The following MAP4K1 variants were observed in gnomAD, a reference collection of about 807,000 sequenced individuals.
MAP4K1 encodes the protein MAPK/ERK kinase kinase kinase 1.
MAP4K1 carries 35 observed loss-of-function variants against 122.8 expected under a neutral mutation model. That is an observed-to-expected ratio of 0.29 (90% CI 0.22 to 0.38). The LOEUF (loss-of-function observed/expected upper bound fraction) is 0.38, where lower values mean the gene tolerates loss of function less well. MAP4K1 is among the 10% of genes least tolerant of loss of function. MAP4K1 has a pLI of 1.00. For synonymous variants in MAP4K1, 412 were observed against 421.3 expected (o/e 0.98, Z 0.27); for missense variants, 791 against 1,072.6 (o/e 0.74, Z 3.67).
Position 38,605,362 on chromosome 19 carries a change from C to T in MAP4K1, c.1446+47G>A, listed in dbSNP as rs1284007525. 7.5e-6 allele frequency: 11 copies of T among 1,466,060 alleles called. No individual in the cohort carries two copies. The African/African-American group carries it at 1.3e-4, about 17-fold the overall frequency. 90.8% of individuals were successfully genotyped at this position (1,466,060 alleles called of 1,614,324 possible). On this transcript the variant is annotated intron_variant, in intron 19 of 30. Coordinates refer to ENST00000396857, the MANE Select transcript of MAP4K1 (RefSeq NM_001042600.3). ...CCCCCTCCCCACCCCACCAGGCATC[C>T]CCAGCCCCGTCCAGAGGTGTAAGTC...
intron 30 of MAP4K1, 35 bp downstream of exon 30, chr19:38,593,247 T>A: frequency 1.9e-6 from 3 of 1,596,932 alleles, no homozygotes; most frequent in Non-Finnish European, 2.6e-6. Flanking sequence ...AGAAGCCCCC[T>A]CCCAGGTCCT....
rs369921707 is a variant in MAP4K1, at chr19:38,605,652, G to A, written c.1279C>T (p.Arg427Trp). 2.9e-5 allele frequency: 46 copies of A among 1,603,564 alleles called. No individual in the cohort carries two copies. The highest frequency in any genetic ancestry group is 1.1e-4 in the East Asian group (5 of 44,730). The change falls in exon 18 of 31, where the codon CGG becomes TGG. Residue 427 changes from arginine (R) to tryptophan (W), a missense_variant. Physicochemically the swap from Arg to Trp is moderately radical, Grantham distance 101. Transcript: ENST00000396857. ...TTTGGTGGGGGCCCACTGGCACACCGGACCAGCACCCCCGGGCTCAGCTGC... is the reference window on the plus strand; with the variant it reads ...TTTGGTGGGGGCCCACTGGCACACCAGACCAGCACCCCCGGGCTCAGCTGC... ...DGQLSPGVLV[R>W]CASGPPPNSP...
chr19:38,615,043 A>G (rs1325718660), intron 4 of MAP4K1, among the ~76,000 whole-genome samples: 1 of 152,100 alleles, frequency 6.6e-6, no homozygotes, highest in South Asian at 2.1e-4. Context: ...AACATAAAGC[A>G]AGAAAGGTGC....
At chr19:38,599,099 C>T (rs1273559200) in intron 22 of MAP4K1, among the ~76,000 whole-genome samples, 4 of 143,540 alleles carry the variant, frequency 2.8e-5, no homozygotes, top group African/African-American at 7.8e-5. Flanking sequence ...GAGGCCAAGG[C>T]GGGTGGATCA....
intron 30 of MAP4K1, 115 bp downstream of exon 30, chr19:38,593,167 T>C: frequency 1.1e-6 from 1 of 911,860 alleles, no homozygotes; most frequent in South Asian, 1.8e-5. Flanking sequence ...GGAAGCAGGG[T>C]GACCAGGTGA....
At position 38,617,006 on chromosome 19, in the gene MAP4K1, C is replaced by G. The variant is rs951253172; in HGVS notation, c.248+348G>C. Among the ~76,000 whole-genome samples, 1 of 151,924 alleles carries G rather than the reference C, an allele frequency of 6.6e-6. No individual in the cohort carries two copies. The highest frequency in any genetic ancestry group is 6.6e-5 in the Admixed American group (1 of 15,234). On this transcript the variant is annotated intron_variant, in intron 3 of 30. Coordinates refer to ENST00000396857, the MANE Select transcript of MAP4K1 (RefSeq NM_001042600.3). This position sits in a 1 kb window ranked among gnomAD's most constrained non-coding sequence, Gnocchi z 4.1. ...ATCACACCTGTAATCCCAGCACTTTCGGAGGCCGAGGCGAGTGGATCACAA... is the reference window on the plus strand; with the variant it reads ...ATCACACCTGTAATCCCAGCACTTTGGGAGGCCGAGGCGAGTGGATCACAA...
At position 38,596,627 on chromosome 19, in the gene MAP4K1, G is replaced by C. The variant is rs1016164471; in HGVS notation, c.1942-141C>G. Reference sequence around the variant, plus strand: ...CCGTCTAGAAATGTCAGGGGATAAGGCCTGGTGCCTCCGCGGGAACGGGGG... The same window carrying C: ...CCGTCTAGAAATGTCAGGGGATAAGCCCTGGTGCCTCCGCGGGAACGGGGG... On this transcript the variant is annotated intron_variant, in intron 25 of 30. Transcript: ENST00000396857. The C allele has an allele frequency of 2.3e-5, 17 of 746,574 alleles. No homozygotes were observed. In the African/African-American group the frequency reaches 2.7e-4, roughly 12 times the overall value. 46.2% of individuals were successfully genotyped at this position (746,574 alleles called of 1,614,324 possible).
At position 38,599,943 on chromosome 19, in the gene MAP4K1, C is replaced by T. The variant is rs531860758; in HGVS notation, c.1651G>A (p.Val551Ile). Residue 551 changes from valine to isoleucine, a missense_variant, in exon 22 of 31, where the codon GTT becomes ATT. Physicochemically the swap from Val to Ile is conservative, Grantham distance 29. Around this residue, in one of 4 missense-constraint regions of MAP4K1, gnomAD observed 58 missense variants for 118.7 expected, o/e 0.49. Transcript: ENST00000396857. ...RTTWVYSINN[V>I]LMSLSGKTPH... ...GCCAGACCTGAGAGAGACATGAGAA[C>T]GTTGTTGATGGAGTACACCCACGTA... 3.5e-4 allele frequency: 563 copies of T among 1,614,112 alleles called. 5 individuals are homozygous for T. The South Asian group carries it at 5.1e-3, about 14-fold the overall frequency.
At chr19:38,615,247 A>C (rs1975615410) in intron 4 of MAP4K1, among the ~76,000 whole-genome samples, 1 of 151,568 alleles carries the variant, frequency 6.6e-6, no homozygotes, top group Non-Finnish European at 1.5e-5. Flanking sequence ...GGGGAGGAGG[A>C]AAGTGGGAGG....
intron 9 of MAP4K1, among the ~76,000 whole-genome samples, chr19:38,612,209 C>G (rs1975517804): frequency 6.6e-6 from 1 of 152,060 alleles, no homozygotes; most frequent in African/African-American, 2.4e-5. Flanking sequence ...AACCTGAGGT[C>G]AGGAGTTCGA....
chr19:38,609,647 T>C lies in MAP4K1; in HGVS notation c.955A>G (p.Arg319Gly). The change falls in exon 13 of 31, where the codon AGA (arginine) becomes GGA (glycine). Residue 319 changes from arginine (R) to glycine (G), a missense_variant. By Grantham distance (125) the Arg-to-Gly change is moderately radical. Transcript: ENST00000396857. ...ELPPAIPRRIRSTHRSSSLGI... is the reference protein window; with the variant it reads ...ELPPAIPRRIGSTHRSSSLGI... ...AGAGAGCTGGAGCGGTGGGTGGATC[T>C]GATCCGCCGAGGGATAGCAGGGGGT... 6.2e-7 allele frequency: 1 copy of C among 1,613,584 alleles called. No homozygotes were observed. Among genetic ancestry groups the C allele is most frequent in the Non-Finnish European group, 8.5e-7 (1 of 1,179,780 alleles).
chr19:38,610,237 ACTCT>A, intron 11 of MAP4K1, among the ~76,000 whole-genome samples: 1 of 151,444 alleles, frequency 6.6e-6, no homozygotes, highest in East Asian at 1.9e-4. Context: ...ACAGAGTCTC[ACTCT>A]GTCACCCAGG....
At position 38,599,911 on chromosome 19, in the gene MAP4K1, A is replaced by G. The variant is rs1975010161; in HGVS notation, c.1669+14T>C. ...AACTTCCGACCCCATCCCACCTGCTACCCACAGCCAGACCTGAGAGAGACA... is the reference window on the plus strand; with the variant it reads ...AACTTCCGACCCCATCCCACCTGCTGCCCACAGCCAGACCTGAGAGAGACA... On this transcript the variant is annotated intron_variant, in intron 22 of 30. Coordinates refer to ENST00000396857, the MANE Select transcript of MAP4K1 (RefSeq NM_001042600.3). The G allele has an allele frequency of 6.2e-7, 1 of 1,613,696 alleles. No individual in the cohort carries two copies. The highest frequency in any genetic ancestry group is 2.2e-5 in the East Asian group (1 of 44,858).
chr19:38,605,651 C>G lies in MAP4K1; in HGVS notation c.1280G>C (p.Arg427Pro), dbSNP rs752846112. The G allele has an allele frequency of 6.2e-7, 1 of 1,603,116 alleles. No individual in the cohort carries two copies. The highest frequency in any genetic ancestry group is 8.5e-7 in the Non-Finnish European group (1 of 1,176,900). Reference protein sequence around the residue: ...DGQLSPGVLVRCASGPPPNSP... With the variant: ...DGQLSPGVLVPCASGPPPNSP... Reference sequence around the variant, plus strand: ...GTTTGGTGGGGGCCCACTGGCACACCGGACCAGCACCCCCGGGCTCAGCTG... The same window carrying G: ...GTTTGGTGGGGGCCCACTGGCACACGGGACCAGCACCCCCGGGCTCAGCTG... The change falls in exon 18 of 31, where the codon CGG becomes CCG. Residue 427 changes from arginine to proline, a missense_variant. This residue lies in a region of MAP4K1 where 303 missense variants were observed against 344.8 expected (regional missense o/e 0.88). Transcript: ENST00000396857.
intron 22 of MAP4K1, among the ~76,000 whole-genome samples, chr19:38,598,375 C>A (rs1305289729): frequency 2.0e-5 from 3 of 152,064 alleles, no homozygotes; most frequent in African/African-American, 7.2e-5. Flanking sequence ...GTCTTCCAGG[C>A]TGGAGTGCAG....
At chr19:38,614,150 G>C in intron 6 of MAP4K1, 65 bp from the exon 7 acceptor site, 2 of 1,609,326 alleles carry the variant, frequency 1.2e-6, no homozygotes, top group South Asian at 2.2e-5. Context: ...AGCCCACTCC[G>C]CCAGCTCAAA....
intron 20 of MAP4K1, among the ~76,000 whole-genome samples, chr19:38,600,611 C>T (rs1238567822): frequency 6.6e-6 from 1 of 151,986 alleles, no homozygotes; most frequent in Non-Finnish European, 1.5e-5. Flanking sequence ...AGATTCTGTC[C>T]CTTTCTGGCT....
At chr19:38,596,578 C>A in intron 25 of MAP4K1, 92 bp from the exon 26 acceptor site, 1 of 1,092,156 alleles carries the variant, frequency 9.2e-7, no homozygotes, top group Non-Finnish European at 1.3e-6. Context: ...ACTTCCGAAC[C>A]AGGGCCCTAA....
chr19:38,595,940 A>G lies in MAP4K1; in HGVS notation c.2178T>C (p.Asp726=), dbSNP rs17847683. Residue 726 remains aspartate, a splice_region_variant and synonymous_variant, in exon 27 of 31, where the codon GAT becomes GAC. Coordinates refer to ENST00000396857, the MANE Select transcript of MAP4K1 (RefSeq NM_001042600.3). ...AAGGGGAGGAAGGAGGGTTCTCACC[A>G]TCCATCAACACCATCACCATATCTT... is the stretch of plus-strand genomic sequence containing the variant. ...VEEDMVMVLM[D]GSVKLVTPEG... is the part of the protein sequence containing the mutation. 11,031 of 1,613,492 alleles carry G rather than the reference A, an allele frequency of 6.8e-3. 219 individuals carry two copies. Among genetic ancestry groups the G allele is most frequent in the East Asian group, 0.065 (2,932 of 44,826 alleles).
Sources: allele counts gnomAD v4.1 joint callset (sites outside exome capture counted in the v4.1 genomes callset), GRCh38; gene constraint gnomAD v4.1.1; regional missense constraint gnomAD v4.1.1; non-coding constraint Gnocchi (gnomAD v3.1); transcripts MANE v1.5; gene names NCBI Gene and HGNC (gene_info 2026-07-23, HGNC 2026-07-21).